ELF1: variants seen among roughly 807,000 people sequenced by gnomAD.
ELF1 encodes the protein E74 like ETS transcription factor 1, also known as ETS-related transcription factor Elf-1.
In ELF1, 24 loss-of-function variants were observed where a neutral mutation model predicts 59.9. The ratio of observed to expected loss-of-function variants is 0.40; its 90% CI spans 0.29 to 0.56. The LOEUF (loss-of-function observed/expected upper bound fraction) is 0.56, where lower values mean the gene tolerates loss of function less well. Among genes scored for constraint, ELF1 ranks in the 20% least tolerant of loss-of-function variants. The probability of loss-of-function intolerance (pLI) is 0.44; values close to 1 mark genes in which losing one functional copy is unlikely to be tolerated. For synonymous variants in ELF1, 248 were observed against 266.2 expected (o/e 0.93, Z 0.67); for missense variants, 627 against 742.2 (o/e 0.84, Z 1.80).
Position 40,941,504 on chromosome 13 carries a change from G to A in ELF1, c.807-134C>T, listed in dbSNP as rs138545256. 9.2e-5 allele frequency: 73 copies of A among 794,442 alleles called. 1 individual carries two copies. In the Middle Eastern group the frequency reaches 5.0e-3, roughly 54 times the overall value. 49.2% of individuals were successfully genotyped at this position (794,442 alleles called of 1,614,324 possible). On this transcript the variant is annotated intron_variant, in intron 7 of 8. Transcript: ENST00000239882. ...TGAGAAAAGAATTTCTAAATAAAGGGCTGTTATTTTATATGAGATAAACAT... is the reference window on the plus strand; with the variant it reads ...TGAGAAAAGAATTTCTAAATAAAGGACTGTTATTTTATATGAGATAAACAT...
At chr13:40,956,636 G>A (rs893848084) in intron 3 of ELF1, among the ~76,000 whole-genome samples, 1 of 145,028 alleles carries the variant, frequency 6.9e-6, no homozygotes, top group Non-Finnish European at 1.5e-5. Context: ...AAATATAATT[G>A]TTTTTGCCTG....
At chr13:40,989,105 C>T (rs533205976) in intron 1 of ELF1, among the ~76,000 whole-genome samples, 2 of 152,214 alleles carry the variant, frequency 1.3e-5, no homozygotes, top group African/African-American at 4.8e-5. Flanking sequence ...GCCTTTCTAG[C>T]TATTTTAAAT....
chr13:41,008,020 C>G (rs1029497144), intron 1 of ELF1, among the ~76,000 whole-genome samples: 4 of 152,216 alleles, frequency 2.6e-5, no homozygotes, highest in Non-Finnish European at 5.9e-5. Context: ...TACCACTGGG[C>G]ACTCACATTT....
intron 1 of ELF1, among the ~76,000 whole-genome samples, chr13:41,006,424 T>C (rs1255725935): frequency 1.3e-5 from 2 of 152,096 alleles, no homozygotes; most frequent in African/African-American, 2.4e-5. Context: ...CTCTGATGCT[T>C]AGTGAAATAA....
At chr13:41,041,181 C>T (rs957900885) in intron 1 of ELF1, among the ~76,000 whole-genome samples, 3 of 131,502 alleles carry the variant, frequency 2.3e-5, no homozygotes, top group Non-Finnish European at 4.7e-5. Flanking sequence ...GGAAGAAGTA[C>T]AAAAAGCAGC....
intron 1 of ELF1, among the ~76,000 whole-genome samples, chr13:41,041,072 A>G (rs1876586279): frequency 6.6e-6 from 1 of 152,162 alleles, no homozygotes; most frequent in Non-Finnish European, 1.5e-5. Context: ...AGTCATGTAA[A>G]GAGGCTGAGG....
chr13:41,051,934 CTTTTTTTTT>C (rs757348738), intron 1 of ELF1, among the ~76,000 whole-genome samples: 2 of 127,250 alleles, frequency 1.6e-5, no homozygotes, highest in African/African-American at 5.9e-5. Flanking sequence ...TTCTTTTTCT[CTTTTTTTTT>C]TTTTTTTTTT....
intron 1 of ELF1, among the ~76,000 whole-genome samples, chr13:41,016,927 AAAAAAAAAAAAAAAAAAAAAATAT>A (rs1183324652): frequency 1.7e-4 from 14 of 80,506 alleles, no homozygotes; most frequent in Middle Eastern, 4.7e-3. Flanking sequence ...AAAAAAAAAA[AAAAAAAAAAAAAAAAAAAAAATAT>A]ATATATATAT....
At chr13:40,960,417 A>T (rs551997911) in intron 2 of ELF1, among the ~76,000 whole-genome samples, 2 of 152,278 alleles carry the variant, frequency 1.3e-5, no homozygotes, top group South Asian at 4.1e-4. Context: ...TTTGAAGAGT[A>T]CAGGTCATCT....
chr13:40,949,470 C>G (rs1035988272), intron 5 of ELF1, among the ~76,000 whole-genome samples: 1 of 152,010 alleles, frequency 6.6e-6, no homozygotes, highest in South Asian at 2.1e-4. Flanking sequence ...GGATCCTCCA[C>G]CTTGGCCTCC....
chr13:40,986,686 A>G (rs192740774), intron 1 of ELF1, among the ~76,000 whole-genome samples: 141 of 152,194 alleles, frequency 9.3e-4, no homozygotes, highest in African/African-American at 2.8e-3. Flanking sequence ...GAGTCCCATT[A>G]TGCCTCATTC....
intron 1 of ELF1, among the ~76,000 whole-genome samples, chr13:41,060,343 A>T (rs1278861456): frequency 6.6e-6 from 1 of 152,216 alleles, no homozygotes; most frequent in Non-Finnish European, 1.5e-5. Flanking sequence ...GAAGAGTCGC[A>T]AGAGCGGCTG....
At chr13:40,974,293 A>T (rs1414021139) in intron 2 of ELF1, among the ~76,000 whole-genome samples, 2 of 152,118 alleles carry the variant, frequency 1.3e-5, no homozygotes, top group Non-Finnish European at 2.9e-5. Flanking sequence ...TTTTTGCCAA[A>T]ATCATAAATG....
At chr13:40,959,502 T>C (rs1238724950) in intron 2 of ELF1, among the ~76,000 whole-genome samples, 1 of 151,684 alleles carries the variant, frequency 6.6e-6, no homozygotes, top group Non-Finnish European at 1.5e-5. Flanking sequence ...TCTCAAAAAA[T>C]AAATAAAATA....
intron 1 of ELF1, among the ~76,000 whole-genome samples, chr13:41,005,834 A>G (rs967041188): frequency 6.8e-6 from 1 of 147,580 alleles, no homozygotes; most frequent in African/African-American, 2.4e-5. Context: ...AATCCTTAAG[A>G]ATGAATTCAA....
chr13:40,943,940 G>C lies in ELF1; in HGVS notation c.530-15C>G, dbSNP rs749637539. 1 of 1,610,528 alleles carries C rather than the reference G, an allele frequency of 6.2e-7. No homozygotes were observed. Among genetic ancestry groups the C allele is most frequent in the South Asian group, 1.1e-5 (1 of 90,678 alleles). Reference sequence around the variant, plus strand: ...AGTTTTTCTTCCTGAAATAAAAACAGCTCTGCATAAATATTTGCCTTCAAA... The same window carrying C: ...AGTTTTTCTTCCTGAAATAAAAACACCTCTGCATAAATATTTGCCTTCAAA... On this transcript the variant is annotated splice_polypyrimidine_tract_variant and intron_variant, in intron 5 of 8. Transcript: ENST00000239882.
intron 1 of ELF1, among the ~76,000 whole-genome samples, chr13:40,993,701 T>C (rs1796164780): frequency 6.6e-6 from 1 of 152,028 alleles, no homozygotes. Context: ...TTGAGGCTGA[T>C]CTCAAACTTC....
intron 1 of ELF1, among the ~76,000 whole-genome samples, chr13:41,044,753 CTCTT>C (rs1349831585): frequency 6.6e-6 from 1 of 152,090 alleles, no homozygotes; most frequent in African/African-American, 2.4e-5. Context: ...ATCTAAAATT[CTCTT>C]TTTTTGTTGT....
chr13:41,047,938 T>A lies in ELF1; in HGVS notation c.-229+12900A>T, dbSNP rs1408483386. ...CAATGGGCTCCACCCAGTTCGAGCT[T>A]CAGGCCACTTTGTTTACCTACTCAA... On this transcript the variant is annotated intron_variant, in intron 1 of 1. Coordinates refer to the ELF1 transcript ENST00000405737. Among the ~76,000 whole-genome samples, 4 of 152,222 alleles carry A rather than the reference T, an allele frequency of 2.6e-5. No individual in the cohort carries two copies. The East Asian group carries it at 7.7e-4, about 29-fold the overall frequency.
Sources: gnomAD v4.1 joint callset for allele counts (sites outside exome capture counted in the v4.1 genomes callset) on GRCh38, gnomAD v4.1.1 for gene constraint, MANE v1.5 for transcripts, NCBI Gene and HGNC (gene_info 2026-07-23, HGNC 2026-07-21) for gene names.